Variants in MUC6 observed in about 807,000 individuals in gnomAD.
MUC6 encodes mucin 6, oligomeric mucus/gel-forming (gene/pseudogene).
MUC6 carries 188 observed loss-of-function variants against 201.5 expected under a neutral mutation model. The observed-to-expected ratio is 0.93, with a 90% CI of 0.83 to 1.05. MUC6 has a LOEUF of 1.05. Among genes scored for constraint, MUC6 ranks in the 50% least tolerant of loss-of-function variants. The pLI is 0.00. For missense variants in MUC6, 2,706 were observed against 3,256.9 expected (o/e 0.83, Z 4.12); for synonymous variants, 1,228 against 1,389.4 (o/e 0.88, Z 2.58).
rs999714463 is a variant in MUC6, at chr11:1,023,380, TAATG to T, written c.3526+125_3526+128del. The stretch of plus-strand genomic sequence containing the variant: ...TGTGTGTGAATGAATGTGTGCAAAT[TAATG>T]AATGTGTGAATTAATGAGCATGAAT... On this transcript the variant is annotated intron_variant, in intron 26 of 32. Coordinates refer to ENST00000421673, the MANE Select transcript of MUC6 (RefSeq NM_005961.3). 116 of 1,226,658 alleles carry T rather than the reference TAATG, an allele frequency of 9.5e-5. 1 individual carries two copies. The highest frequency in any genetic ancestry group is 4.3e-4 in the Admixed American group (19 of 44,396). 76.0% of individuals were successfully genotyped at this position (1,226,658 alleles called of 1,614,324 possible).
chr11:1,035,044 G>A (rs904588080), intron 1 of MUC6, among the ~76,000 whole-genome samples: 1 of 152,230 alleles, frequency 6.6e-6, no homozygotes, highest in African/African-American at 2.4e-5. Context: ...GCCCCTGGAC[G>A]AGCACGAGGC....
In MUC6 at chr11:1,016,391, G is replaced by C. The variant is rs371729856; in HGVS notation, c.6410C>G (p.Ala2137Gly). 16 of 1,613,116 alleles carry C rather than the reference G, an allele frequency of 9.9e-6. No individual in the cohort carries two copies. In the African/African-American group the frequency reaches 1.1e-4, roughly 11 times the overall value. The change falls in exon 31 of 33, where the codon GCC becomes GGC. Residue 2137 changes from alanine to glycine, a missense_variant. By Grantham distance (60) the Ala-to-Gly change is moderately conservative (BLOSUM62 0). Transcript: ENST00000421673. Reference sequence around the variant, plus strand: ...CACATAAGAAGAAACAGTAGAGGGGGCAGAAGGACTGGGAGAAAATGAGGA... The same window carrying C: ...CACATAAGAAGAAACAGTAGAGGGGCCAGAAGGACTGGGAGAAAATGAGGA... Reference protein sequence around the residue: ...LSSSFSPSPSAPSTVSSYVPS... With the variant: ...LSSSFSPSPSGPSTVSSYVPS...
chr11:1,027,742 C>T lies in MUC6; in HGVS notation c.1924G>A (p.Ala642Thr), dbSNP rs201565186. 2.9e-4 allele frequency: 467 copies of T among 1,609,148 alleles called. 2 individuals are homozygous for T. The Admixed American group carries it at 4.1e-3, about 14-fold the overall frequency. Residue 642 changes from alanine to threonine, a missense_variant, in exon 16 of 33, where the codon GCC becomes ACC. Transcript: ENST00000421673. ...ICAALGDYVH[A>T]CSLRGVLLWG... ...AGCAGGACGCCCCGCAAGGAGCAGGCGTGTACGTAGTCGCCCAGGGCGGCA... is the reference window on the plus strand; with the variant it reads ...AGCAGGACGCCCCGCAAGGAGCAGGTGTGTACGTAGTCGCCCAGGGCGGCA...
rs541037556 is a variant in MUC6 at position 1,025,084 on chromosome 11, C to T, written c.2986-1G>A. ...TGCCACACAAGCCGCAGAGGGGATC[C>T]TGCAGACGGTGGCATCAGGCCGGGC... On this transcript the variant is annotated splice_acceptor_variant, in intron 23 of 32. Coordinates refer to ENST00000421673, the MANE Select transcript of MUC6 (RefSeq NM_005961.3). LOFTEE classifies it high-confidence loss of function. The T allele has an allele frequency of 6.8e-6, 11 of 1,612,908 alleles. No individual in the cohort carries two copies. Among genetic ancestry groups the T allele is most frequent in the Non-Finnish European group, 9.3e-6 (11 of 1,179,820 alleles).
chr11:1,030,177 G>T lies in MUC6; in HGVS notation c.1015+36C>A, dbSNP rs1204818219. The T allele has an allele frequency of 5.2e-6, 8 of 1,541,648 alleles. No homozygotes were observed. In the Admixed American group the frequency reaches 1.6e-4, roughly 30 times the overall value. On this transcript the variant is annotated intron_variant, in intron 8 of 32. Transcript: ENST00000421673. ...CCTTGTCTCTGGGTTCTCTCTAGGG[G>T]TCCCGGGGAGAGAGAGTGCCTGCGA... is the stretch of plus-strand genomic sequence containing the variant.
At position 1,036,632 on chromosome 11, in the gene MUC6, C is replaced by T; in HGVS notation, c.24G>A (p.Leu8=). The change falls in exon 1 of 33, where the codon CTG becomes CTA. Residue 8 remains leucine (L), a synonymous_variant. Transcript: ENST00000421673. The part of the protein sequence containing the change: MVQRWLL[L]SCCGALLSAG... ...CGCTGAGCAGGGCTCCGCAGCAGGACAGCAGCAGCCACCGCTGGACCATGG... is the reference window on the plus strand; with the variant it reads ...CGCTGAGCAGGGCTCCGCAGCAGGATAGCAGCAGCCACCGCTGGACCATGG... 1 of 1,548,052 alleles carries T rather than the reference C, an allele frequency of 6.5e-7. No homozygotes were observed. Among genetic ancestry groups the T allele is most frequent in the Non-Finnish European group, 8.7e-7 (1 of 1,146,476 alleles).
At chr11:1,024,705 C>T (rs1007682141) in intron 24 of MUC6, 139 bp downstream of exon 24, 1 of 1,366,394 alleles carries the variant, frequency 7.3e-7, no homozygotes, top group African/African-American at 1.4e-5. Context: ...GGCAGAGGGT[C>T]TGAAACTCTC....
chr11:1,020,867 C>G (rs576517323), intron 27 of MUC6, 133 bp from the exon 28 acceptor site: 2 of 1,135,380 alleles, frequency 1.8e-6, no homozygotes, highest in Non-Finnish European at 2.5e-6. Flanking sequence ...GGGCTGGGAG[C>G]CCACCCTCCC....
rs371584726 is a variant in MUC6, at chr11:1,024,182, A to G, written c.3226-79T>C. On this transcript the variant is annotated intron_variant, in intron 24 of 32. Coordinates refer to ENST00000421673, the MANE Select transcript of MUC6 (RefSeq NM_005961.3). Reference sequence around the variant, plus strand: ...AGGCTTTGCCACCTGCAGGGCCCTCAGTGTGGTCAGGCCGGAGTGTGGCGG... The same window carrying G: ...AGGCTTTGCCACCTGCAGGGCCCTCGGTGTGGTCAGGCCGGAGTGTGGCGG... The G allele has an allele frequency of 9.9e-5, 149 of 1,502,610 alleles. 1 individual carries two copies. The African/African-American group carries it at 1.8e-3, about 18-fold the overall frequency. The allele number at this position is 1,502,610 out of a possible 1,614,324, so 93.1% of individuals were successfully genotyped here. A position where few individuals can be genotyped will look rare whatever the true frequency, so the allele number is the denominator to read the frequency against.
At position 1,020,882 on chromosome 11, in the gene MUC6, C is replaced by T; in HGVS notation, c.3590-148G>A. 7.6e-6 allele frequency: 8 copies of T among 1,059,482 alleles called. No homozygotes were observed. The South Asian group carries it at 1.2e-4, about 16-fold the overall frequency. 65.6% of individuals were successfully genotyped at this position (1,059,482 alleles called of 1,614,324 possible). On this transcript the variant is annotated intron_variant, in intron 27 of 32. Transcript: ENST00000421673. ...GGGCTGGGAGCCCACCCTCCCCTCT[C>T]TCCCTTTCTCCTTCCCAGGATGATT...
chr11:1,025,767 G>A (rs1380564859), intron 22 of MUC6, 38 bp downstream of exon 22: 11 of 1,557,578 alleles, frequency 7.1e-6, no homozygotes, highest in East Asian at 4.6e-5. Flanking sequence ...GCCCCCTACC[G>A]CCCGTCCTGC....
Position 1,029,536 on chromosome 11 carries a change from C to T in MUC6, c.1095G>A (p.Met365Ile). The change falls in exon 9 of 33, where the codon ATG (methionine) becomes ATA (isoleucine). Residue 365 changes from methionine (M) to isoleucine (I), a missense_variant. By Grantham distance (10) the Met-to-Ile change is conservative. Around this residue, in one of 10 missense-constraint regions of MUC6, gnomAD observed 1,850 missense variants for 1,958.3 expected, o/e 0.94. Transcript: ENST00000421673. ...TQCPCVLHGA[M>I]YAPGEVTIAA... ...CTATTGTGACCTCCCCGGGGGCATA[C>T]ATGGCGCCGTGGAGCACACAGGGGC... 2 of 1,612,546 alleles carry T rather than the reference C, an allele frequency of 1.2e-6. No homozygotes were observed. Among genetic ancestry groups the T allele is most frequent in the Admixed American group, 1.7e-5 (1 of 59,958 alleles).
chr11:1,029,255 G>A lies in MUC6; in HGVS notation c.1248C>T (p.His416=), dbSNP rs370157873. Residue 416 remains histidine, a synonymous_variant, in exon 10 of 33, where the codon CAC becomes CAT. Coordinates refer to ENST00000421673, the MANE Select transcript of MUC6 (RefSeq NM_005961.3). ...GGAGGAGGATGTAGGTGCAGGTGCC[G>A]TGGAAGCGGTAGGGCCTGGCGTCAA... ...TTFDARPYRF[H]GTCTYILLQS... 45 of 1,607,350 alleles carry A rather than the reference G, an allele frequency of 2.8e-5. No homozygotes were observed. Among genetic ancestry groups the A allele is most frequent in the East Asian group, 6.7e-5 (3 of 44,700 alleles).
At chr11:1,026,254 C>A in intron 20 of MUC6, 73 bp downstream of exon 20, 1 of 1,541,838 alleles carries the variant, frequency 6.5e-7, no homozygotes, top group East Asian at 2.3e-5. Flanking sequence ...GGGACAGCCC[C>A]ACCCCGGGCA....
At chr11:1,020,861 T>TGGGAGCCCAC in intron 27 of MUC6, 127 bp from the exon 28 acceptor site, 4 of 1,239,510 alleles carry the variant, frequency 3.2e-6, no homozygotes. Flanking sequence ...CTGGAGGGGC[T>TGGGAGCCCAC]GGGAGCCCAC....
rs765367272 is a variant in MUC6, at chr11:1,024,009, G to A, written c.3320C>T (p.Ala1107Val). The change falls in exon 25 of 33, where the codon GCC (alanine) becomes GTC (valine). Residue 1107 changes from alanine (A) to valine (V), a missense_variant. Around this residue, in one of 10 missense-constraint regions of MUC6, gnomAD observed 1,850 missense variants for 1,958.3 expected, o/e 0.94. Transcript: ENST00000421673. ...CTTGTCCAGACAGGCTTGGGCGTAG[G>A]CAGCCACGGCATCGCACAGACACTC... ...DCECLCDAVA[A>V]YAQACLDKGV... The A allele has an allele frequency of 1.7e-5, 27 of 1,611,912 alleles. No homozygotes were observed. The highest frequency in any genetic ancestry group is 3.3e-4 in the Middle Eastern group (2 of 6,082).
intron 1 of MUC6, 149 bp downstream of exon 1, chr11:1,036,455 G>A: frequency 1.1e-6 from 1 of 905,284 alleles, no homozygotes; most frequent in South Asian, 1.8e-5. Flanking sequence ...CTGGCAGCGG[G>A]GGCTGGTCAC....
intron 31 of MUC6, among the ~76,000 whole-genome samples, chr11:1,014,356 T>C (rs1399974485): frequency 1.3e-5 from 2 of 152,164 alleles, no homozygotes; most frequent in Non-Finnish European, 2.9e-5. Context: ...GGCATGGGCC[T>C]CTCTGGTTGG....
intron 21 of MUC6, 36 bp downstream of exon 21, chr11:1,025,964 G>C: frequency 6.3e-7 from 1 of 1,591,918 alleles, no homozygotes; most frequent in South Asian, 1.1e-5. Context: ...GTGCCTCTGG[G>C]TCCCCGGCCC....
Sources: allele counts gnomAD v4.1 joint callset (sites outside exome capture counted in the v4.1 genomes callset), GRCh38; gene constraint gnomAD v4.1.1; regional missense constraint gnomAD v4.1.1; transcripts MANE v1.5; gene names NCBI Gene and HGNC (gene_info 2026-07-23, HGNC 2026-07-21).